FER: variants seen among roughly 807,000 people sequenced by gnomAD.
FER encodes FER tyrosine kinase.
A neutral mutation model predicts 111.0 loss-of-function variants in FER; 63 were observed. The observed-to-expected ratio is 0.57, with a 90% CI of 0.46 to 0.70. The LOEUF (loss-of-function observed/expected upper bound fraction) is 0.70. Ranked by LOEUF, FER falls within the 30% of genes least tolerant of loss-of-function variation. FER has a pLI of 0.00. For synonymous variants in FER, 327 were observed against 313.9 expected (o/e 1.04, Z -0.44); for missense variants, 914 against 954.0 (o/e 0.96, Z 0.55).
intron 2 of FER, among the ~76,000 whole-genome samples, chr5:108,768,503 G>T (rs556141541): frequency 6.6e-6 from 1 of 152,172 alleles, no homozygotes; most frequent in East Asian, 1.9e-4. Context: ...TCCTCAATCT[G>T]TGTGCCCACC....
At chr5:109,122,219 C>T (rs1751069905) in intron 17 of FER, among the ~76,000 whole-genome samples, 1 of 152,050 alleles carries the variant, frequency 6.6e-6, no homozygotes, top group African/African-American at 2.4e-5. Flanking sequence ...CTCTAAACTT[C>T]CCTCTTAGTA....
intron 5 of FER, among the ~76,000 whole-genome samples, chr5:108,857,838 G>C (rs1763145870): frequency 6.6e-6 from 1 of 152,056 alleles, no homozygotes; most frequent in Non-Finnish European, 1.5e-5. Context: ...CTCGGATTTG[G>C]CCAGTGGGAG....
intron 5 of FER, among the ~76,000 whole-genome samples, chr5:108,846,644 G>T (rs958182187): frequency 1.3e-5 from 2 of 151,620 alleles, no homozygotes; most frequent in Admixed American, 6.6e-5. Flanking sequence ...GTGCAGTGGC[G>T]CGATCACGGC....
chr5:108,770,267 T>C (rs1752755786), intron 2 of FER, among the ~76,000 whole-genome samples: 1 of 152,178 alleles, frequency 6.6e-6, no homozygotes, highest in African/African-American at 2.4e-5. Flanking sequence ...TTTTAATTAA[T>C]TATGAGTTGA....
At chr5:108,887,296 T>TTTAATA (rs1747322522) in intron 9 of FER, among the ~76,000 whole-genome samples, 1 of 151,732 alleles carries the variant, frequency 6.6e-6, no homozygotes, top group East Asian at 1.9e-4. Flanking sequence ...ATAATTTGAA[T>TTTAATA]TTAATATATC....
At chr5:109,086,239 T>A (rs1297000503) in intron 16 of FER, among the ~76,000 whole-genome samples, 1 of 151,480 alleles carries the variant, frequency 6.6e-6, no homozygotes, top group Non-Finnish European at 1.5e-5. Context: ...TTTTTTTATT[T>A]TATCTTGTGT....
intron 6 of FER, among the ~76,000 whole-genome samples, chr5:108,868,670 G>T (rs868267079): frequency 2.0e-5 from 3 of 152,058 alleles, no homozygotes; most frequent in Non-Finnish European, 4.4e-5. Context: ...GAGTAGGGTT[G>T]AAGAATGGTG....
intron 2 of FER, among the ~76,000 whole-genome samples, chr5:108,783,501 C>G (rs1754328142): frequency 6.6e-6 from 1 of 152,002 alleles, no homozygotes; most frequent in South Asian, 2.1e-4. Context: ...TTTCTTGGTT[C>G]TTGGTGTGAC....
chr5:108,904,117 A>C (rs1456943688), intron 10 of FER, among the ~76,000 whole-genome samples: 1 of 147,452 alleles, frequency 6.8e-6, no homozygotes, highest in Non-Finnish European at 1.5e-5. Context: ...ATTGAATGTC[A>C]GGTGTCAGGT....
intron 12 of FER, among the ~76,000 whole-genome samples, chr5:108,958,827 C>A (rs1206474743): frequency 2.6e-5 from 4 of 151,756 alleles, no homozygotes. Context: ...AAAGTTTTAT[C>A]AAATGGAACA....
chr5:109,004,107 A>T (rs1219203338), intron 13 of FER, among the ~76,000 whole-genome samples: 1 of 152,206 alleles, frequency 6.6e-6, no homozygotes, highest in Non-Finnish European at 1.5e-5. Context: ...TACTCTGCTG[A>T]TGCAAATGTA....
At chr5:109,155,771 T>C (rs1755309382) in intron 17 of FER, among the ~76,000 whole-genome samples, 1 of 151,950 alleles carries the variant, frequency 6.6e-6, no homozygotes, top group African/African-American at 2.4e-5. Context: ...GGGAAAGTGA[T>C]GGTCAAATGA....
intron 5 of FER, among the ~76,000 whole-genome samples, chr5:108,865,961 A>C (rs1764010029): frequency 6.6e-6 from 1 of 152,204 alleles, no homozygotes; most frequent in Admixed American, 6.5e-5. Flanking sequence ...GATGTGGAGA[A>C]ATAGGAACAC....
At position 108,777,107 on chromosome 5, in the gene FER, T is replaced by A. The variant is rs1444711903; in HGVS notation, c.-60+8869T>A. Reference sequence around the variant, plus strand: ...TGGGAGGATTGCTTGAGGCCAGAAGTTGGAGACCAGCCTGGGATTATTGTT... The same window carrying A: ...TGGGAGGATTGCTTGAGGCCAGAAGATGGAGACCAGCCTGGGATTATTGTT... On this transcript the variant is annotated intron_variant, in intron 2 of 19. Transcript: ENST00000281092. Among the ~76,000 whole-genome samples, 4 of 152,194 alleles carry A rather than the reference T, an allele frequency of 2.6e-5. 1 individual carries two copies. Among genetic ancestry groups the A allele is most frequent in the Admixed American group, 2.6e-4 (4 of 15,274 alleles).
intron 16 of FER, among the ~76,000 whole-genome samples, chr5:109,094,463 C>CTGT (rs1247628088): frequency 6.6e-6 from 1 of 152,110 alleles, no homozygotes; most frequent in Non-Finnish European, 1.5e-5. Flanking sequence ...CTCGACCAAT[C>CTGT]TGTAATGCAA....
At chr5:109,042,251 G>A (rs1210836616) in intron 14 of FER, among the ~76,000 whole-genome samples, 1 of 151,966 alleles carries the variant, frequency 6.6e-6, no homozygotes, top group Non-Finnish European at 1.5e-5. Context: ...GGGACTGAAG[G>A]GCAGCAGCAG....
intron 10 of FER, among the ~76,000 whole-genome samples, chr5:108,911,008 G>A (rs1038814405): frequency 3.3e-5 from 5 of 152,048 alleles, no homozygotes; most frequent in African/African-American, 1.2e-4. Flanking sequence ...GGGTCAAATA[G>A]TAGTAGTTCT....
chr5:109,019,003 G>C (rs77043558), intron 13 of FER, among the ~76,000 whole-genome samples: 525 of 151,394 alleles, frequency 3.5e-3, no homozygotes, highest in Non-Finnish European at 5.6e-3. Flanking sequence ...ATGAATCATA[G>C]GTATTATCTA....
chr5:108,852,169 C>G (rs559148979), intron 5 of FER, among the ~76,000 whole-genome samples: 1 of 152,298 alleles, frequency 6.6e-6, no homozygotes, highest in Admixed American at 6.5e-5. Context: ...TGGGGAGTAG[C>G]TGCAAGTCTC....
Sources: allele counts gnomAD v4.1 joint callset (sites outside exome capture counted in the v4.1 genomes callset), GRCh38; gene constraint gnomAD v4.1.1; transcripts MANE v1.5; gene names NCBI Gene and HGNC (gene_info 2026-07-23, HGNC 2026-07-21).